Variants in ALK observed in about 807,000 individuals in gnomAD.
ALK encodes the protein ALK tyrosine kinase receptor.
A neutral mutation model predicts 163.1 loss-of-function variants in ALK; 74 were observed. The ratio of observed to expected loss-of-function variants is 0.45; its 90% CI spans 0.38 to 0.55. The LOEUF is 0.55. Ranked by LOEUF, ALK falls within the 20% of genes least tolerant of loss-of-function variation. The probability of loss-of-function intolerance (pLI) is 0.00; values close to 1 mark genes in which losing one functional copy is unlikely to be tolerated. For synonymous variants in ALK, 960 were observed against 843.2 expected, an observed-to-expected ratio of 1.14 and a Z score of -2.40; for missense variants, 2,063 against 2,105.3, an observed-to-expected ratio of 0.98 and a Z score of 0.39.
At chr2:29,804,123 A>G (rs6731759) in intron 1 of ALK, among the ~76,000 whole-genome samples, 64,848 of 151,988 alleles carry the variant, frequency 0.43, 16,602 homozygotes, top group South Asian at 0.57. Context: ...TGCAAAATAT[A>G]AAAGCCTGCC....
chr2:29,790,452 T>C (rs553498869), intron 1 of ALK, among the ~76,000 whole-genome samples: 1 of 152,332 alleles, frequency 6.6e-6, no homozygotes, highest in African/African-American at 2.4e-5. Context: ...CTTGTGGACC[T>C]ACTTCCATAT....
intron 4 of ALK, among the ~76,000 whole-genome samples, chr2:29,448,870 T>G (rs1443118034): frequency 1.3e-5 from 2 of 152,198 alleles, no homozygotes; most frequent in African/African-American, 4.8e-5. Flanking sequence ...TTATTCTCCT[T>G]CAGTTTCTGG....
chr2:29,513,595 A>T (rs1030384764), intron 4 of ALK, among the ~76,000 whole-genome samples: 1 of 152,058 alleles, frequency 6.6e-6, no homozygotes, highest in Admixed American at 6.5e-5. Context: ...ACGGGCAAGG[A>T]CTTCATGTCT....
At chr2:29,266,658 C>T (rs1479604169) in intron 11 of ALK, among the ~76,000 whole-genome samples, 5 of 152,118 alleles carry the variant, frequency 3.3e-5, no homozygotes, top group African/African-American at 1.2e-4. Context: ...GGAAACGGGG[C>T]CCAGAATCTT....
chr2:29,417,059 C>G (rs1669899228), intron 4 of ALK, among the ~76,000 whole-genome samples: 6 of 140,600 alleles, frequency 4.3e-5, no homozygotes. Flanking sequence ...GGGATCTCAG[C>G]TCACTGCAAG....
chr2:29,272,185 GGA>G lies in ALK; in HGVS notation c.2041+2912_2041+2913del, dbSNP rs57649688. ...AGAGAGAAGGAGGGAGTCGGGTGAGGGAGAGAGAGAGAGAGAGAGAGAGAGAA... is the reference window on the plus strand; with the variant it reads ...AGAGAGAAGGAGGGAGTCGGGTGAGGGAGAGAGAGAGAGAGAGAGAGAGAA... On this transcript the variant is annotated intron_variant, in intron 11 of 28. Transcript: ENST00000389048. Among the ~76,000 whole-genome samples, 217 of 145,150 alleles carry G rather than the reference GGA, an allele frequency of 1.5e-3. 2 individuals are homozygous for G. The highest frequency in any genetic ancestry group is 5.0e-3 in the East Asian group (25 of 4,958).
At chr2:29,412,913 T>C (rs896763983) in intron 4 of ALK, among the ~76,000 whole-genome samples, 4 of 152,244 alleles carry the variant, frequency 2.6e-5, no homozygotes, top group African/African-American at 9.6e-5. Context: ...CCTTCTAGAA[T>C]TTTTGTTTGT....
intron 5 of ALK, among the ~76,000 whole-genome samples, chr2:29,356,941 C>G (rs1230929612): frequency 6.6e-6 from 1 of 152,132 alleles, no homozygotes; most frequent in Non-Finnish European, 1.5e-5. Flanking sequence ...ATGACTGCTC[C>G]ACATCTTCAG....
At position 29,826,174 on chromosome 2, in the gene ALK, C is replaced by T. The variant is rs551985366; in HGVS notation, c.667+93819G>A. Among the ~76,000 whole-genome samples the T allele has an allele frequency of 2.0e-5, 3 of 152,246 alleles. No individual in the cohort carries two copies. The East Asian group carries it at 5.8e-4, about 29-fold the overall frequency. ...TATTCTGTAGGAAGGACACATAGAC[C>T]TGAGTTCTGAAATCTCTTTAAAGCC... On this transcript the variant is annotated intron_variant, in intron 1 of 28. Transcript: ENST00000389048.
intron 1 of ALK, among the ~76,000 whole-genome samples, chr2:29,836,395 AC>A (rs1665559677): frequency 6.6e-6 from 1 of 152,070 alleles, no homozygotes; most frequent in African/African-American, 2.4e-5. Flanking sequence ...TCACTTAGAG[AC>A]CCAGGCTGAC....
intron 16 of ALK, 41 bp downstream of exon 16, chr2:29,228,843 A>G: frequency 7.4e-7 from 1 of 1,358,948 alleles, no homozygotes; most frequent in Non-Finnish European, 1.1e-6. Flanking sequence ...CCTAGGACTA[A>G]GCAGGGAGGG....
intron 26 of ALK, among the ~76,000 whole-genome samples, chr2:29,204,660 G>C (rs529262791): frequency 3.9e-5 from 6 of 152,222 alleles, no homozygotes; most frequent in African/African-American, 1.2e-4. Context: ...CACAATCTCA[G>C]CTCACTACAA....
At chr2:29,463,319 C>A (rs923854537) in intron 4 of ALK, among the ~76,000 whole-genome samples, 4 of 152,138 alleles carry the variant, frequency 2.6e-5, no homozygotes, top group African/African-American at 9.7e-5. Flanking sequence ...ACTTGAAATA[C>A]CACAGAAAAT....
intron 4 of ALK, among the ~76,000 whole-genome samples, chr2:29,390,184 T>C (rs1669130187): frequency 6.6e-6 from 1 of 152,202 alleles, no homozygotes; most frequent in South Asian, 2.1e-4. Context: ...TTTATTCCTA[T>C]TTCTGGCTCT....
chr2:29,375,126 T>C (rs1277535389), intron 5 of ALK, among the ~76,000 whole-genome samples: 4 of 152,068 alleles, frequency 2.6e-5, no homozygotes, highest in Non-Finnish European at 5.9e-5. Flanking sequence ...AATTTCTTCA[T>C]GAGAAACAGC....
At chr2:29,236,756 T>A (rs552692890) in intron 13 of ALK, among the ~76,000 whole-genome samples, 9 of 152,304 alleles carry the variant, frequency 5.9e-5, no homozygotes, top group African/African-American at 2.2e-4. Context: ...TCCTGACCTC[T>A]AAATGTTGAG....
chr2:29,575,935 T>C (rs1019431751), intron 3 of ALK, among the ~76,000 whole-genome samples: 1 of 151,986 alleles, frequency 6.6e-6, no homozygotes, highest in Admixed American at 6.6e-5. Context: ...ACACCAGAGG[T>C]TGATGCAGAG....
intron 4 of ALK, among the ~76,000 whole-genome samples, chr2:29,385,645 C>T (rs1669015150): frequency 2.6e-5 from 4 of 152,142 alleles, no homozygotes; most frequent in Admixed American, 2.0e-4. Context: ...CCTGCCTCAG[C>T]CTCCCAAAGT....
chr2:29,841,423 T>A (rs1424130692), intron 1 of ALK, among the ~76,000 whole-genome samples: 1 of 152,244 alleles, frequency 6.6e-6, no homozygotes. Flanking sequence ...ACTGCTTCTA[T>A]TGCATTCATG....
Sources: gnomAD v4.1 joint callset for allele counts (sites outside exome capture counted in the v4.1 genomes callset) on GRCh38, gnomAD v4.1.1 for gene constraint, MANE v1.5 for transcripts, NCBI Gene and HGNC (gene_info 2026-07-23, HGNC 2026-07-21) for gene names.